The following SPAG16 variants were observed in gnomAD, a reference collection of about 807,000 sequenced individuals.
SPAG16 encodes sperm associated antigen 16.
A neutral mutation model predicts 80.4 loss-of-function variants in SPAG16; 86 were observed. The observed-to-expected ratio is 1.07, with a 90% confidence interval of 0.90 to 1.28. The LOEUF is 1.28. SPAG16 is among the 50% of genes most tolerant of loss of function. The pLI, the probability that SPAG16 is intolerant of heterozygous loss-of-function variation, is 0.00. For missense variants in SPAG16, 870 were observed against 765.3 expected (o/e 1.14, Z -1.61); for synonymous variants, 294 against 265.9 (o/e 1.11, Z -1.03).
At chr2:214,283,755 A>G in intron 15 of SPAG16, among the ~76,000 whole-genome samples, 1 of 152,206 alleles carries the variant, frequency 6.6e-6, no homozygotes, top group South Asian at 2.1e-4. Context: ...AATTGCTTTA[A>G]GTACACATAT....
chr2:213,610,441 T>A (rs1344162699), intron 10 of SPAG16, among the ~76,000 whole-genome samples: 1 of 152,220 alleles, frequency 6.6e-6, no homozygotes, highest in African/African-American at 2.4e-5. Flanking sequence ...CTGTGAGATT[T>A]CGTCTACATA....
intron 10 of SPAG16, among the ~76,000 whole-genome samples, chr2:213,645,619 CA>C (rs746887708): frequency 6.6e-6 from 1 of 152,024 alleles, no homozygotes; most frequent in Non-Finnish European, 1.5e-5. Flanking sequence ...ACCTGGTATC[CA>C]AGAGGCAAGG....
At chr2:214,174,899 C>G (rs958170141) in intron 15 of SPAG16, among the ~76,000 whole-genome samples, 1 of 151,720 alleles carries the variant, frequency 6.6e-6, no homozygotes, top group South Asian at 2.1e-4. Context: ...ATTCAGTTAG[C>G]AAGTACTAGT....
chr2:213,888,548 A>G (rs1278669563), intron 11 of SPAG16, among the ~76,000 whole-genome samples: 1 of 151,648 alleles, frequency 6.6e-6, no homozygotes, highest in East Asian at 1.9e-4. Flanking sequence ...GTTATATATT[A>G]TACATATTAA....
chr2:213,437,758 T>C (rs1449941546), intron 9 of SPAG16, among the ~76,000 whole-genome samples: 1 of 152,226 alleles, frequency 6.6e-6, no homozygotes, highest in Non-Finnish European at 1.5e-5. Flanking sequence ...CTTAATTTAC[T>C]TTGGTATCAA....
At chr2:213,442,363 A>C (rs931700638) in intron 9 of SPAG16, among the ~76,000 whole-genome samples, 1 of 152,216 alleles carries the variant, frequency 6.6e-6, no homozygotes, top group East Asian at 1.9e-4. Context: ...TGACCAGTAG[A>C]TTGATTGCAT....
chr2:213,610,045 A>G (rs1474624071), intron 10 of SPAG16, among the ~76,000 whole-genome samples: 2 of 151,982 alleles, frequency 1.3e-5, no homozygotes, highest in Non-Finnish European at 2.9e-5. Flanking sequence ...CTACTGTTGT[A>G]ATTATGGCCA....
chr2:214,116,989 T>A (rs2053964605), intron 14 of SPAG16, among the ~76,000 whole-genome samples: 1 of 152,162 alleles, frequency 6.6e-6, no homozygotes, highest in Non-Finnish European at 1.5e-5. Flanking sequence ...CAGGGAAATG[T>A]TACCTTACCA....
intron 10 of SPAG16, among the ~76,000 whole-genome samples, chr2:213,761,988 A>G (rs1458218867): frequency 6.6e-6 from 1 of 152,248 alleles, no homozygotes; most frequent in African/African-American, 2.4e-5. Flanking sequence ...CAACATATTA[A>G]TGTATGATAA....
In SPAG16 at chr2:214,079,184, A is replaced by T. The variant is rs185931768; in HGVS notation, c.1528-29012A>T. Among the ~76,000 whole-genome samples, 944 of 152,320 alleles carry T rather than the reference A, an allele frequency of 6.2e-3. 11 individuals carry two copies. Among genetic ancestry groups the T allele is most frequent in the Non-Finnish European group, 8.3e-3 (565 of 68,008 alleles). ...AATTAGCTCTCCCAACCACTGAGAA[A>T]AAAAGAAAAATCACTAACTTTTCTC... On this transcript the variant is annotated intron_variant, in intron 13 of 15. Coordinates refer to ENST00000331683, the MANE Select transcript of SPAG16 (RefSeq NM_024532.5).
In SPAG16 at chr2:213,350,796, A is replaced by G. The variant is rs541451214; in HGVS notation, c.762+151A>G. 8 of 546,532 alleles carry G rather than the reference A, an allele frequency of 1.5e-5. No homozygotes were observed. The East Asian group carries it at 2.2e-4, about 15-fold the overall frequency. The allele number at this position is 546,532 out of a possible 1,614,324, so 33.9% of individuals were successfully genotyped here. A position where few individuals can be genotyped will look rare whatever the true frequency, so the allele number is the denominator to read the frequency against. ...GAGATCCATTTGGAAACATTCAGAA[A>G]AAGTATTTCTCCATTTAACTACCTA... On this transcript the variant is annotated intron_variant, in intron 7 of 15. Coordinates refer to ENST00000331683, the MANE Select transcript of SPAG16 (RefSeq NM_024532.5).
intron 10 of SPAG16, among the ~76,000 whole-genome samples, chr2:213,726,260 G>A (rs991046810): frequency 6.6e-6 from 1 of 152,140 alleles, no homozygotes; most frequent in Non-Finnish European, 1.5e-5. Context: ...CCTAGCATTG[G>A]CTATCTCTCA....
chr2:213,804,638 G>C (rs369131865), intron 10 of SPAG16, among the ~76,000 whole-genome samples: 97 of 152,292 alleles, frequency 6.4e-4, no homozygotes, highest in Middle Eastern at 6.8e-3. Context: ...AGCCGAGATC[G>C]CGCCACTGCA....
chr2:214,189,814 G>T (rs1477876906), intron 15 of SPAG16, among the ~76,000 whole-genome samples: 1 of 151,994 alleles, frequency 6.6e-6, no homozygotes, highest in Non-Finnish European at 1.5e-5. Context: ...AATTCAAGTA[G>T]ATATATGTGC....
intron 3 of SPAG16, among the ~76,000 whole-genome samples, chr2:213,303,248 C>A (rs183006699): frequency 1.3e-5 from 2 of 151,630 alleles, no homozygotes; most frequent in Admixed American, 1.3e-4. Context: ...AAGAATAGTC[C>A]AGTTTTTTTT....
chr2:213,647,193 C>T (rs917025951), intron 10 of SPAG16, among the ~76,000 whole-genome samples: 2 of 152,042 alleles, frequency 1.3e-5, no homozygotes, highest in Admixed American at 6.6e-5. Context: ...GTGGTGGGCC[C>T]TCAGTTGCTT....
chr2:213,407,465 G>C (rs911567747), intron 9 of SPAG16, among the ~76,000 whole-genome samples: 1 of 151,998 alleles, frequency 6.6e-6, no homozygotes, highest in Non-Finnish European at 1.5e-5. Context: ...AGTGTTGAGG[G>C]GTTGAGCCTT....
chr2:213,919,540 T>G (rs1296016208), intron 11 of SPAG16, among the ~76,000 whole-genome samples: 1 of 152,228 alleles, frequency 6.6e-6, no homozygotes, highest in Non-Finnish European at 1.5e-5. Flanking sequence ...TGCTTTAATT[T>G]CATTATTTAC....
intron 6 of SPAG16, among the ~76,000 whole-genome samples, chr2:213,348,284 A>G (rs1393601588): frequency 6.6e-6 from 1 of 151,826 alleles, no homozygotes; most frequent in Non-Finnish European, 1.5e-5. Flanking sequence ...TGCATGTGAG[A>G]TGGGTTTCCT....
Sources: allele counts gnomAD v4.1 joint callset (sites outside exome capture counted in the v4.1 genomes callset), GRCh38; gene constraint gnomAD v4.1.1; transcripts MANE v1.5; gene names NCBI Gene and HGNC (gene_info 2026-07-23, HGNC 2026-07-21).